Variants in PRKN observed in about 807,000 individuals in gnomAD.
The protein encoded by PRKN is E3 ubiquitin-protein ligase parkin.
Under a neutral mutation model 59.5 loss-of-function variants are expected in PRKN, and 56 were observed. The ratio of observed to expected loss-of-function variants is 0.94; its 90% confidence interval spans 0.76 to 1.18. The LOEUF is 1.18. Ranked by LOEUF, PRKN falls within the 50% of genes most tolerant of loss-of-function variation. PRKN has a pLI of 0.00. For synonymous variants in PRKN, 250 were observed against 222.1 expected, an observed-to-expected ratio of 1.13 and a Z score of -1.12; for missense variants, 657 against 596.4, an observed-to-expected ratio of 1.10 and a Z score of -1.06.
chr6:161,499,135 T>TC lies in PRKN; in HGVS notation c.1083+49718_1083+49719insG, dbSNP rs1175416119. Among the ~76,000 whole-genome samples the TC allele has an allele frequency of 6.6e-6, 1 of 150,714 alleles. No individual in the cohort carries two copies. Among genetic ancestry groups the TC allele is most frequent in the South Asian group, 2.1e-4 (1 of 4,802 alleles). ...GTCTGGACACACACACACACACATT[T>TC]TTTTTTTTTTTTTGGCTCACAGAGT... On this transcript the variant is annotated intron_variant, in intron 9 of 11. Coordinates refer to ENST00000366898, the MANE Select transcript of PRKN (RefSeq NM_004562.3). This position sits in a 1 kb window ranked among gnomAD's most constrained non-coding sequence, Gnocchi z 4.2.
intron 2 of PRKN, among the ~76,000 whole-genome samples, chr6:162,415,309 A>G (rs1481147729): frequency 6.6e-6 from 1 of 152,202 alleles, no homozygotes; most frequent in East Asian, 1.9e-4. Context: ...CAGAAGACAC[A>G]ATGTGGCACC....
At chr6:162,712,090 C>A (rs1024602712) in intron 1 of PRKN, among the ~76,000 whole-genome samples, 4 of 152,176 alleles carry the variant, frequency 2.6e-5, no homozygotes, top group African/African-American at 9.7e-5. Context: ...TTGGTTCCAA[C>A]CTCTGTTGGT....
At chr6:161,939,233 C>T (rs1779463376) in intron 6 of PRKN, among the ~76,000 whole-genome samples, 2 of 150,996 alleles carry the variant, frequency 1.3e-5, no homozygotes, top group Non-Finnish European at 3.0e-5. Context: ...GCATGGCCAA[C>T]ATGGTGAAAC....
chr6:161,545,627 C>T lies in PRKN; in HGVS notation c.1083+3227G>A, dbSNP rs1437084815. Among the ~76,000 whole-genome samples the T allele has an allele frequency of 6.6e-6, 1 of 152,126 alleles. No homozygotes were observed. The highest frequency in any genetic ancestry group is 6.5e-5 in the Admixed American group (1 of 15,268). On this transcript the variant is annotated intron_variant, in intron 9 of 11. Coordinates refer to ENST00000366898, the MANE Select transcript of PRKN (RefSeq NM_004562.3). The surrounding 1 kb of genome is among the most constrained non-coding windows in gnomAD (Gnocchi z 4.1). ...CAAACCACAGCAAAACAACATGTAT[C>T]AGGAAAAGGGGAAGAGAAAGAAGGA...
chr6:161,469,429 T>G (rs907610957), intron 9 of PRKN, among the ~76,000 whole-genome samples: 4 of 152,148 alleles, frequency 2.6e-5, no homozygotes, highest in Non-Finnish European at 1.5e-5. Context: ...TATTTCTTCA[T>G]AGCAGTGTGA....
intron 2 of PRKN, among the ~76,000 whole-genome samples, chr6:162,343,241 T>C (rs965672691): frequency 4.6e-5 from 7 of 152,222 alleles, no homozygotes; most frequent in Non-Finnish European, 1.0e-4. Flanking sequence ...TATAAGACTG[T>C]TAACCTTGGG....
chr6:161,994,242 G>GAAA (rs756877636), intron 5 of PRKN, among the ~76,000 whole-genome samples: 1 of 137,968 alleles, frequency 7.2e-6, no homozygotes. Flanking sequence ...ATGGTGTGCA[G>GAAA]AAAAAAAAAA....
intron 1 of PRKN, among the ~76,000 whole-genome samples, chr6:162,545,596 A>C (rs1301618163): frequency 6.6e-6 from 1 of 152,210 alleles, no homozygotes; most frequent in Non-Finnish European, 1.5e-5. Flanking sequence ...ATATATGAGG[A>C]AAACATTTCA....
intron 9 of PRKN, among the ~76,000 whole-genome samples, chr6:161,478,659 A>G (rs1356007776): frequency 6.6e-6 from 1 of 152,176 alleles, no homozygotes; most frequent in East Asian, 1.9e-4. Flanking sequence ...AGCCTGGGCA[A>G]CATGGCAAAG....
At chr6:162,148,847 A>G (rs531363450) in intron 4 of PRKN, among the ~76,000 whole-genome samples, 1 of 152,144 alleles carries the variant, frequency 6.6e-6, no homozygotes, top group Non-Finnish European at 1.5e-5. Flanking sequence ...GGGAAAGAAA[A>G]GTTATAATAA....
At chr6:161,855,652 C>T (rs149565666) in intron 6 of PRKN, among the ~76,000 whole-genome samples, 40 of 152,204 alleles carry the variant, frequency 2.6e-4, no homozygotes, top group African/African-American at 5.8e-4. Flanking sequence ...TCTTTCTTTA[C>T]GCTGTTCTTT....
intron 1 of PRKN, among the ~76,000 whole-genome samples, chr6:162,533,866 G>C (rs1369265133): frequency 6.6e-6 from 1 of 151,344 alleles, no homozygotes; most frequent in Non-Finnish European, 1.5e-5. Context: ...AGTTACTTGG[G>C]AGGCTGAGGC....
In PRKN at chr6:161,530,476, G is replaced by A. The variant is rs117552206; in HGVS notation, c.1083+18378C>T. Among the ~76,000 whole-genome samples, 34 of 151,910 alleles carry A rather than the reference G, an allele frequency of 2.2e-4. No individual in the cohort carries two copies. Among genetic ancestry groups the A allele is most frequent in the Admixed American group, 6.6e-4 (10 of 15,236 alleles). On this transcript the variant is annotated intron_variant, in intron 9 of 11. Transcript: ENST00000366898. The surrounding 1 kb of genome is among the most constrained non-coding windows in gnomAD (Gnocchi z 5.0). ...GCAGGAATTGGAGCAGCCTCATTCC[G>A]TGTCGAAGAAGACCTATACGGCTTG...
At chr6:162,526,827 A>G (rs559760691) in intron 1 of PRKN, among the ~76,000 whole-genome samples, 52 of 152,274 alleles carry the variant, frequency 3.4e-4, no homozygotes, top group Admixed American at 9.2e-4. Context: ...TAAGCAATAA[A>G]AAGTCTATCA....
Position 162,397,274 on chromosome 6 carries a change from C to T in PRKN, c.171+46036G>A, listed in dbSNP as rs144922615. On this transcript the variant is annotated intron_variant, in intron 2 of 11. Coordinates refer to ENST00000366898, the MANE Select transcript of PRKN (RefSeq NM_004562.3). Reference sequence around the variant, plus strand: ...TGTTCAGGAAGGTAAGAAAAAGAAGCAAACTCGGGAATATCAACAGATTTG... The same window carrying T: ...TGTTCAGGAAGGTAAGAAAAAGAAGTAAACTCGGGAATATCAACAGATTTG... Among the ~76,000 whole-genome samples, 624 of 152,184 alleles carry T rather than the reference C, an allele frequency of 4.1e-3. 1 individual carries two copies. Among genetic ancestry groups the T allele is most frequent in the African/African-American group, 0.014 (595 of 41,522 alleles).
intron 4 of PRKN, among the ~76,000 whole-genome samples, chr6:162,180,024 C>T (rs932648971): frequency 1.7e-5 from 2 of 120,848 alleles, no homozygotes; most frequent in Non-Finnish European, 3.7e-5. Flanking sequence ...GTAGCAAAGT[C>T]TACATCCTAG....
chr6:162,249,039 C>T (rs1390055928), intron 3 of PRKN, among the ~76,000 whole-genome samples: 1 of 151,994 alleles, frequency 6.6e-6, no homozygotes, highest in Non-Finnish European at 1.5e-5. Flanking sequence ...ACCACCACAC[C>T]CAGCTAATTT....
chr6:162,473,258 A>C (rs1212683613), intron 1 of PRKN, among the ~76,000 whole-genome samples: 2 of 152,186 alleles, frequency 1.3e-5, no homozygotes, highest in Non-Finnish European at 2.9e-5. Context: ...AAGATGGGAA[A>C]GTAGTTTTAT....
intron 2 of PRKN, among the ~76,000 whole-genome samples, chr6:162,355,716 A>AC (rs1784829287): frequency 6.6e-6 from 1 of 151,844 alleles, no homozygotes; most frequent in African/African-American, 2.4e-5. Context: ...ACCAAATTAA[A>AC]AAAAAAAAAC....
Sources: allele counts gnomAD v4.1 joint callset (sites outside exome capture counted in the v4.1 genomes callset), GRCh38; gene constraint gnomAD v4.1.1; non-coding constraint Gnocchi (gnomAD v3.1); transcripts MANE v1.5; gene names NCBI Gene and HGNC (gene_info 2026-07-23, HGNC 2026-07-21).